Variants in COL22A1 observed in about 807,000 individuals in gnomAD.
COL22A1 encodes collagen alpha-1(XXII) chain.
In COL22A1, 221 loss-of-function variants were observed where a neutral mutation model predicts 248.9. That is an observed-to-expected ratio of 0.89 (90% CI 0.80 to 0.99). The LOEUF is 0.99. Ranked by LOEUF, COL22A1 falls within the 50% of genes least tolerant of loss-of-function variation. The probability of loss-of-function intolerance (pLI) is 0.00; values close to 1 mark genes in which losing one functional copy is unlikely to be tolerated. For missense variants in COL22A1, 2,240 were observed against 2,179.0 expected (o/e 1.03, Z -0.56); for synonymous variants, 891 against 793.4 (o/e 1.12, Z -2.07).
intron 23 of COL22A1, among the ~76,000 whole-genome samples, chr8:138,736,365 G>A (rs1831111470): frequency 6.6e-6 from 1 of 152,018 alleles, no homozygotes; most frequent in African/African-American, 2.4e-5. Flanking sequence ...GGCTTGCCAT[G>A]TTTTGTCCAC....
At position 138,765,281 on chromosome 8, in the gene COL22A1, G is replaced by A. The variant is rs368189801; in HGVS notation, c.1804-2815C>T. On this transcript the variant is annotated intron_variant, in intron 16 of 64. Coordinates refer to ENST00000303045, the MANE Select transcript of COL22A1 (RefSeq NM_152888.3). Reference sequence around the variant, plus strand: ...AGCAGAGTCCCTGGAGGGACTGCGGGGCCTGGGCTGGTGAGTGGACAAGGG... The same window carrying A: ...AGCAGAGTCCCTGGAGGGACTGCGGAGCCTGGGCTGGTGAGTGGACAAGGG... Among the ~76,000 whole-genome samples the A allele has an allele frequency of 8.4e-3, 1,280 of 152,256 alleles. 10 individuals carry two copies. Among genetic ancestry groups the A allele is most frequent in the African/African-American group, 0.029 (1,224 of 41,546 alleles).
At chr8:138,700,402 T>A (rs1487381799) in intron 31 of COL22A1, among the ~76,000 whole-genome samples, 1 of 152,196 alleles carries the variant, frequency 6.6e-6, no homozygotes, top group Non-Finnish European at 1.5e-5. Context: ...TGTGTGACCT[T>A]GGACATGTCT....
chr8:138,715,622 C>A, intron 30 of COL22A1, 60 bp downstream of exon 30: 1 of 1,159,774 alleles, frequency 8.6e-7, no homozygotes, highest in Non-Finnish European at 1.3e-6. Context: ...AAAATCTCTT[C>A]CTTTAGAAAA....
chr8:138,840,292 A>T (rs551676489), intron 4 of COL22A1, among the ~76,000 whole-genome samples: 1 of 152,240 alleles, frequency 6.6e-6, no homozygotes, highest in East Asian at 1.9e-4. Flanking sequence ...TTCTCTGTGC[A>T]TTCAGAACTG....
chr8:138,764,710 G>A (rs2131412804), intron 16 of COL22A1, among the ~76,000 whole-genome samples: 1 of 152,320 alleles, frequency 6.6e-6, no homozygotes, highest in African/African-American at 2.4e-5. Flanking sequence ...TGTAATCCCA[G>A]CACTTTGGGA....
chr8:138,840,493 A>G (rs531016761), intron 4 of COL22A1, among the ~76,000 whole-genome samples: 8 of 151,920 alleles, frequency 5.3e-5, no homozygotes, highest in Non-Finnish European at 1.2e-4. Context: ...TATGTCGTAG[A>G]CTAAGAAATC....
chr8:138,763,109 G>A (rs150336315), intron 16 of COL22A1, among the ~76,000 whole-genome samples: 254 of 152,258 alleles, frequency 1.7e-3, no homozygotes, highest in Admixed American at 4.3e-3. Flanking sequence ...ACAAAAGCCT[G>A]GGCGTGGTGG....
intron 41 of COL22A1, among the ~76,000 whole-genome samples, chr8:138,670,182 G>A (rs982710532): frequency 6.6e-6 from 1 of 152,052 alleles, no homozygotes; most frequent in African/African-American, 2.4e-5. Context: ...CACTGCACCT[G>A]GCCATTCTGA....
At chr8:138,677,163 T>A (rs2130807967) in intron 40 of COL22A1, among the ~76,000 whole-genome samples, 1 of 152,328 alleles carries the variant, frequency 6.6e-6, no homozygotes, top group Non-Finnish European at 1.5e-5. Context: ...TAGTTAACAG[T>A]GTGGACGTGG....
intron 10 of COL22A1, among the ~76,000 whole-genome samples, chr8:138,804,042 C>T (rs544898414): frequency 1.6e-4 from 25 of 152,302 alleles, no homozygotes; most frequent in African/African-American, 6.0e-4. Flanking sequence ...CCCTCAGCTC[C>T]TGGGCCCCTC....
chr8:138,869,478 C>T (rs1206491340), intron 3 of COL22A1, among the ~76,000 whole-genome samples: 2 of 152,056 alleles, frequency 1.3e-5, no homozygotes, highest in Non-Finnish European at 2.9e-5. Flanking sequence ...ATACATGGGT[C>T]GTACAGTTTT....
intron 63 of COL22A1, among the ~76,000 whole-genome samples, chr8:138,593,780 A>G (rs1290409737): frequency 6.6e-6 from 1 of 152,228 alleles, no homozygotes; most frequent in Non-Finnish European, 1.5e-5. Flanking sequence ...AGAGAGAACA[A>G]GAAAGTAGGA....
At chr8:138,633,654 CCT>C (rs1290126366) in intron 49 of COL22A1, among the ~76,000 whole-genome samples, 1 of 152,116 alleles carries the variant, frequency 6.6e-6, no homozygotes, top group Non-Finnish European at 1.5e-5. Context: ...CTCAATTGCC[CCT>C]CTTTGCTTAA....
Position 138,662,100 on chromosome 8 carries a change from G to T in COL22A1, c.3187-17C>A. On this transcript the variant is annotated splice_polypyrimidine_tract_variant and intron_variant, in intron 42 of 64. Coordinates refer to ENST00000303045, the MANE Select transcript of COL22A1 (RefSeq NM_152888.3). ...TCGTGATCCCTGAAGAAAAAGAAAA[G>T]AAGACACTGACACCCTACAATATTT... 6.2e-7 allele frequency: 1 copy of T among 1,609,172 alleles called. No individual in the cohort carries two copies. The highest frequency in any genetic ancestry group is 2.2e-5 in the East Asian group (1 of 44,770).
chr8:138,844,246 C>A, intron 3 of COL22A1, 88 bp from the exon 4 acceptor site: 1 of 1,234,500 alleles, frequency 8.1e-7, no homozygotes, highest in South Asian at 1.2e-5. Context: ...AGACCCCACC[C>A]TGCCTTGCAG....
At chr8:138,772,956 A>G (rs1012484769) in intron 16 of COL22A1, among the ~76,000 whole-genome samples, 3 of 152,216 alleles carry the variant, frequency 2.0e-5, no homozygotes, top group African/African-American at 7.2e-5. Context: ...GAGGGTGCTG[A>G]GTGCTGGGAG....
chr8:138,814,744 T>C (rs1375289616), intron 7 of COL22A1, among the ~76,000 whole-genome samples: 1 of 152,130 alleles, frequency 6.6e-6, no homozygotes, highest in African/African-American at 2.4e-5. Context: ...TCCTCATCCA[T>C]GGAATCTATG....
intron 4 of COL22A1, among the ~76,000 whole-genome samples, chr8:138,835,313 C>G (rs750233219): frequency 3.3e-5 from 5 of 152,128 alleles, no homozygotes; most frequent in Non-Finnish European, 7.3e-5. Flanking sequence ...CCTAAAGATG[C>G]GAACAGTATT....
chr8:138,897,551 G>GTAATAA (rs33953970), intron 1 of COL22A1, among the ~76,000 whole-genome samples: 1 of 149,910 alleles, frequency 6.7e-6, no homozygotes, highest in African/African-American at 2.5e-5. Context: ...CTGTCTCAAA[G>GTAATAA]TAATAATAAT....
Sources: allele counts gnomAD v4.1 joint callset (sites outside exome capture counted in the v4.1 genomes callset), GRCh38; gene constraint gnomAD v4.1.1; transcripts MANE v1.5; gene names NCBI Gene and HGNC (gene_info 2026-07-23, HGNC 2026-07-21).